The following CCDC7 variants were observed in gnomAD, a reference collection of about 807,000 sequenced individuals.
The protein encoded by CCDC7 is coiled-coil domain containing 7, also known as coiled-coil domain-containing protein 7.
Under a neutral mutation model 196.9 loss-of-function variants are expected in CCDC7, and 183 were observed. The ratio of observed to expected loss-of-function variants is 0.93; its 90% confidence interval spans 0.82 to 1.05. The LOEUF (loss-of-function observed/expected upper bound fraction) is 1.05. CCDC7 is among the 50% of genes least tolerant of loss of function. The pLI is 0.00. For synonymous variants in CCDC7, 525 were observed against 484.6 expected, an observed-to-expected ratio of 1.08 and a Z score of -1.10; for missense variants, 1,540 against 1,482.2, an observed-to-expected ratio of 1.04 and a Z score of -0.64.
chr10:32,594,407 G>C (rs923102628), intron 18 of CCDC7, among the ~76,000 whole-genome samples: 7 of 152,200 alleles, frequency 4.6e-5, no homozygotes, highest in African/African-American at 9.6e-5. Flanking sequence ...TTTGTATCCT[G>C]AGACTTTGCT....
At position 32,709,123 on chromosome 10, in the gene CCDC7, A is replaced by G. The variant is rs528918784; in HGVS notation, c.2459-2497A>G. Among the ~76,000 whole-genome samples, 6 of 152,234 alleles carry G rather than the reference A, an allele frequency of 3.9e-5. No individual in the cohort carries two copies. The East Asian group carries it at 7.7e-4, about 20-fold the overall frequency. ...TAAGAAAATGTGGCACATATACACC[A>G]TGGAGTACTATGCAGCCATAAAAAA... On this transcript the variant is annotated intron_variant, in intron 24 of 41. Transcript: ENST00000639629.
At chr10:32,451,590 A>AATTT, upstream of CCDC7, 1 of 1,520,298 alleles carries the variant, frequency 6.6e-7, no homozygotes, top group Non-Finnish European at 8.8e-7. Context: ...TTTTTTTCAC[A>AATTT]GGGAGGAATA....
At chr10:32,734,925 A>G (rs2084608501) in intron 28 of CCDC7, among the ~76,000 whole-genome samples, 1 of 151,670 alleles carries the variant, frequency 6.6e-6, no homozygotes, top group Admixed American at 6.6e-5. Context: ...TAAATAAAAT[A>G]AGTTAAAATA....
intron 20 of CCDC7, among the ~76,000 whole-genome samples, chr10:32,647,484 C>G (rs567091448): frequency 0.024 from 172 of 7,028 alleles, no homozygotes; most frequent in Non-Finnish European, 0.1. Context: ...TTCTCCACAG[C>G]CTTACCAGCA....
chr10:32,627,130 ATTGCT>A (rs2064164740), intron 18 of CCDC7, among the ~76,000 whole-genome samples: 1 of 151,522 alleles, frequency 6.6e-6, no homozygotes, highest in African/African-American at 2.4e-5. Context: ...GACACTATAG[ATTGCT>A]TTGGGTAGTG....
At chr10:32,823,373 C>T (rs1352412022) in intron 31 of CCDC7, among the ~76,000 whole-genome samples, 2 of 152,102 alleles carry the variant, frequency 1.3e-5, no homozygotes, top group African/African-American at 4.8e-5. Context: ...AACTTGGGAC[C>T]TCGAGATCTG....
At chr10:32,556,840 G>A (rs1476179232) in intron 13 of CCDC7, among the ~76,000 whole-genome samples, 1 of 152,088 alleles carries the variant, frequency 6.6e-6, no homozygotes, top group African/African-American at 2.4e-5. Flanking sequence ...ATTATTTTCT[G>A]TTTATCCCTC....
intron 16 of CCDC7, 68 bp downstream of exon 17, chr10:32,571,961 GA>G: frequency 7.4e-7 from 1 of 1,357,844 alleles, no homozygotes; most frequent in Non-Finnish European, 9.7e-7. Flanking sequence ...CCTAAGCAAT[GA>G]AAATAACCAT....
chr10:32,755,356 A>T (rs2076258323), intron 28 of CCDC7, among the ~76,000 whole-genome samples: 1 of 152,202 alleles, frequency 6.6e-6, no homozygotes, highest in Admixed American at 6.5e-5. Context: ...CCTAACTGGG[A>T]GATACCTCCC....
At chr10:32,657,460 C>G (rs1334361700) in intron 20 of CCDC7, among the ~76,000 whole-genome samples, 1 of 152,224 alleles carries the variant, frequency 6.6e-6, no homozygotes, top group South Asian at 2.1e-4. Flanking sequence ...GGCTCAAAAC[C>G]ATGTGGAAGC....
exon 5 of CCDC7, chr10:32,463,019 G>T: frequency 1.9e-6 from 3 of 1,613,446 alleles, no homozygotes; most frequent in Non-Finnish European, 2.5e-6. Context: ...TCTTAAAGTG[G>T]TTTCAGTGGC....
At chr10:32,705,414 C>A (rs1424693121) in intron 24 of CCDC7, among the ~76,000 whole-genome samples, 1 of 152,028 alleles carries the variant, frequency 6.6e-6, no homozygotes, top group Admixed American at 6.6e-5. Flanking sequence ...CACCAACTAA[C>A]GAGCAAAAGA....
intron 20 of CCDC7, among the ~76,000 whole-genome samples, chr10:32,639,219 G>T (rs2066250395): frequency 6.6e-6 from 1 of 151,850 alleles, no homozygotes; most frequent in South Asian, 2.1e-4. Context: ...AGGGTTTTTT[G>T]GGTCTCTATT....
At chr10:32,627,231 A>G (rs1343895237) in intron 18 of CCDC7, among the ~76,000 whole-genome samples, 1 of 151,860 alleles carries the variant, frequency 6.6e-6, no homozygotes, top group Non-Finnish European at 1.5e-5. Flanking sequence ...TTTTTAGTGT[A>G]CAGGTCTTTT....
At chr10:32,725,547 G>A (rs2082998079) in intron 25 of CCDC7, among the ~76,000 whole-genome samples, 1 of 151,988 alleles carries the variant, frequency 6.6e-6, no homozygotes, top group Non-Finnish European at 1.5e-5. Flanking sequence ...TGCTGTGAAG[G>A]AATACCTGAG....
intron 28 of CCDC7, among the ~76,000 whole-genome samples, chr10:32,744,448 A>C (rs901876953): frequency 1.3e-5 from 2 of 151,924 alleles, no homozygotes; most frequent in Non-Finnish European, 2.9e-5. Context: ...CCAGCAATGA[A>C]TGAAGATTCC....
At chr10:32,778,886 C>G in intron 28 of CCDC7, 91 bp from the exon 30 acceptor site, 1 of 882,760 alleles carries the variant, frequency 1.1e-6, no homozygotes, top group Non-Finnish European at 1.8e-6. Context: ...TTGTAGAGAT[C>G]TTTCACCTTC....
chr10:32,776,761 G>A (rs2080126229), intron 28 of CCDC7, among the ~76,000 whole-genome samples: 2 of 152,114 alleles, frequency 1.3e-5, no homozygotes, highest in South Asian at 4.1e-4. Context: ...TGAATAATTA[G>A]TATGTTAAAT....
exon 22 of CCDC7, chr10:32,685,987 A>C (rs1261229011): frequency 6.4e-7 from 1 of 1,572,844 alleles, no homozygotes; most frequent in African/African-American, 1.4e-5. Flanking sequence ...TGAAGTACCA[A>C]ATGAAAGGCT....
Sources: allele counts gnomAD v4.1 joint callset (sites outside exome capture counted in the v4.1 genomes callset), GRCh38; gene constraint gnomAD v4.1.1; transcripts MANE v1.5; gene names NCBI Gene and HGNC (gene_info 2026-07-23, HGNC 2026-07-21).